The following LRFN2 variants were observed in gnomAD, a reference collection of about 807,000 sequenced individuals.
LRFN2 encodes leucine rich repeat and fibronectin type III domain containing 2.
Under a neutral mutation model 37.3 loss-of-function variants are expected in LRFN2, and 18 were observed. The ratio of observed to expected loss-of-function variants is 0.48; its 90% CI spans 0.33 to 0.72. The LOEUF (loss-of-function observed/expected upper bound fraction) is 0.72. LRFN2 is among the 30% of genes least tolerant of loss of function. LRFN2 has a pLI of 0.02. For missense variants in LRFN2, 1,006 were observed against 1,060.7 expected, an observed-to-expected ratio of 0.95 and a Z score of 0.72; for synonymous variants, 556 against 466.6, an observed-to-expected ratio of 1.19 and a Z score of -2.47.
Position 40,535,750 on chromosome 6 carries a change from T to A in LRFN2, c.-19+51191A>T, listed in dbSNP as rs536760057. Among the ~76,000 whole-genome samples, 11 of 152,106 alleles carry A rather than the reference T, an allele frequency of 7.2e-5. No homozygotes were observed. The South Asian group carries it at 2.3e-3, about 32-fold the overall frequency. ...ACAGGAAGGGGTGCAGGCCCCACAT[T>A]TGCTGACAATGCACTGAGACTCTTA... On this transcript the variant is annotated intron_variant, in intron 1 of 2. Transcript: ENST00000338305.
chr6:40,457,658 AAG>A (rs1561863772), intron 1 of LRFN2, among the ~76,000 whole-genome samples: 1 of 149,134 alleles, frequency 6.7e-6, no homozygotes, highest in South Asian at 2.1e-4. Context: ...AAAAAAAAAA[AAG>A]AGAGGGAGAG....
chr6:40,398,478 G>A (rs1561838458), intron 2 of LRFN2, among the ~76,000 whole-genome samples: 3 of 151,902 alleles, frequency 2.0e-5, no homozygotes, highest in East Asian at 3.9e-4. Flanking sequence ...TGCAGGTCAG[G>A]CTTCCAGAGT....
At chr6:40,487,785 T>G (rs1192281846) in intron 1 of LRFN2, among the ~76,000 whole-genome samples, 12 of 152,112 alleles carry the variant, frequency 7.9e-5, no homozygotes, top group African/African-American at 7.2e-5. Context: ...CCACATGGAG[T>G]GCCGCTGCCC....
chr6:40,457,637 T>C (rs371633548), intron 1 of LRFN2, among the ~76,000 whole-genome samples: 1 of 101,422 alleles, frequency 9.9e-6, no homozygotes, highest in Admixed American at 1.1e-4. Flanking sequence ...AGACCCTGTT[T>C]AAAAAAAAAA....
chr6:40,416,496 G>A (rs1763095647), intron 2 of LRFN2, among the ~76,000 whole-genome samples: 2 of 152,246 alleles, frequency 1.3e-5, no homozygotes, highest in South Asian at 4.1e-4. Context: ...GGATGAGCTT[G>A]AACTGACCTT....
chr6:40,449,729 G>A (rs747072787), intron 1 of LRFN2, among the ~76,000 whole-genome samples: 2 of 152,010 alleles, frequency 1.3e-5, no homozygotes, highest in Non-Finnish European at 2.9e-5. Flanking sequence ...AGACTCATAC[G>A]AACTTGTAAA....
intron 1 of LRFN2, among the ~76,000 whole-genome samples, chr6:40,526,812 A>G (rs1246885566): frequency 6.6e-6 from 1 of 152,178 alleles, no homozygotes; most frequent in Non-Finnish European, 1.5e-5. Context: ...TTTAAGATGA[A>G]AAGTTTGAGA....
At chr6:40,453,861 G>A (rs974440400) in intron 1 of LRFN2, among the ~76,000 whole-genome samples, 1 of 152,136 alleles carries the variant, frequency 6.6e-6, no homozygotes, top group South Asian at 2.1e-4. Context: ...AAAGCAAAAT[G>A]TTCCCATAAA....
At chr6:40,469,105 A>G (rs1484411606) in intron 1 of LRFN2, among the ~76,000 whole-genome samples, 1 of 152,190 alleles carries the variant, frequency 6.6e-6, no homozygotes, top group Admixed American at 6.5e-5. Context: ...AAATGCCCTT[A>G]TAAGAGGCAC....
At chr6:40,394,032 T>C (rs1213646478) in intron 2 of LRFN2, among the ~76,000 whole-genome samples, 1 of 152,132 alleles carries the variant, frequency 6.6e-6, no homozygotes, top group African/African-American at 2.4e-5. Context: ...TTGGTCCTAG[T>C]TGTAGTAGGC....
At chr6:40,457,719 C>T (rs371963073) in intron 1 of LRFN2, among the ~76,000 whole-genome samples, 1 of 150,814 alleles carries the variant, frequency 6.6e-6, no homozygotes, top group Non-Finnish European at 1.5e-5. Context: ...CATGATTTAC[C>T]ATGGGATCTT....
At chr6:40,496,488 GCT>G (rs1765231166) in intron 1 of LRFN2, among the ~76,000 whole-genome samples, 1 of 143,590 alleles carries the variant, frequency 7.0e-6, no homozygotes, top group Non-Finnish European at 1.5e-5. Flanking sequence ...TGGTCAGGAA[GCT>G]CAGACACCCT....
Position 40,392,213 on chromosome 6 carries a change from C to G in LRFN2, c.2100G>C (p.Gly700=). Reference sequence around the variant, plus strand: ...GGCTCCTGGCCCGGGCCGCAGGGGGCCCCAGCAGTGGCTCTCGGTCCGAGT... The same window carrying G: ...GGCTCCTGGCCCGGGCCGCAGGGGGGCCCAGCAGTGGCTCTCGGTCCGAGT... The part of the protein sequence containing the change: ...GHHSDREPLL[G]PPAARARSLL... The change falls in exon 3 of 3, where the codon GGG becomes GGC. Residue 700 remains glycine, a synonymous_variant. Coordinates refer to ENST00000338305, the MANE Select transcript of LRFN2 (RefSeq NM_020737.3). The surrounding 1 kb of genome is among the most constrained non-coding windows in gnomAD (Gnocchi z 4.7). 1 of 1,570,438 alleles carries G rather than the reference C, an allele frequency of 6.4e-7. No individual in the cohort carries two copies.
intron 1 of LRFN2, among the ~76,000 whole-genome samples, chr6:40,472,034 C>T (rs1007283686): frequency 1.1e-4 from 16 of 152,190 alleles, no homozygotes; most frequent in Non-Finnish European, 2.4e-4. Flanking sequence ...ATAGATGCCC[C>T]AGCCCCACTT....
At chr6:40,439,147 C>T (rs989636313) in intron 1 of LRFN2, among the ~76,000 whole-genome samples, 5 of 152,114 alleles carry the variant, frequency 3.3e-5, no homozygotes, top group African/African-American at 4.8e-5. Flanking sequence ...ATGGCTGGCA[C>T]GATATATGTG....
At chr6:40,508,466 A>T (rs964914260) in intron 1 of LRFN2, among the ~76,000 whole-genome samples, 1 of 152,126 alleles carries the variant, frequency 6.6e-6, no homozygotes, top group Non-Finnish European at 1.5e-5. Flanking sequence ...TCCACCCAAG[A>T]GGACCCTGGT....
At chr6:40,500,076 C>T (rs764600792) in intron 1 of LRFN2, among the ~76,000 whole-genome samples, 5 of 152,268 alleles carry the variant, frequency 3.3e-5, no homozygotes, top group Non-Finnish European at 4.4e-5. Flanking sequence ...ATGCCCAGCA[C>T]GAAAGCCCTC....
chr6:40,417,376 G>C (rs546212239), intron 2 of LRFN2, among the ~76,000 whole-genome samples: 87 of 152,280 alleles, frequency 5.7e-4, no homozygotes, highest in African/African-American at 1.9e-3. Flanking sequence ...AGGTCACTGA[G>C]CCCCTGACCA....
At chr6:40,532,326 C>G (rs1404981447) in intron 1 of LRFN2, among the ~76,000 whole-genome samples, 5 of 152,332 alleles carry the variant, frequency 3.3e-5, no homozygotes, top group Non-Finnish European at 7.3e-5. Flanking sequence ...AGTGGTCACA[C>G]TCACCCATAT....
Sources: allele counts gnomAD v4.1 joint callset (sites outside exome capture counted in the v4.1 genomes callset), GRCh38; gene constraint gnomAD v4.1.1; non-coding constraint Gnocchi (gnomAD v3.1); transcripts MANE v1.5; gene names NCBI Gene and HGNC (gene_info 2026-07-23, HGNC 2026-07-21).